Variants in GRTP1 observed in about 807,000 individuals in gnomAD.
GRTP1 encodes growth hormone regulated TBC protein 1.
Under a neutral mutation model 38.1 loss-of-function variants are expected in GRTP1, and 56 were observed. That is an observed-to-expected ratio of 1.47 (90% CI 1.19 to 1.84). The LOEUF is 1.84. Ranked by LOEUF, GRTP1 falls within the 40% of genes most tolerant of loss-of-function variation. The pLI, the probability that GRTP1 is intolerant of heterozygous loss-of-function variation, is 0.00. For missense variants in GRTP1, 506 were observed against 453.9 expected, an observed-to-expected ratio of 1.11 and a Z score of -1.04; for synonymous variants, 217 against 189.5, an observed-to-expected ratio of 1.14 and a Z score of -1.19.
intron 3 of GRTP1, among the ~76,000 whole-genome samples, chr13:113,353,947 C>T (rs1019990081): frequency 6.6e-6 from 1 of 152,016 alleles, no homozygotes. Flanking sequence ...GTGGTTCAGA[C>T]CACTTCCAGC....
intron 6 of GRTP1, 27 bp from the exon 7 acceptor site, chr13:113,325,873 A>G (rs1228453607): frequency 6.2e-7 from 1 of 1,613,384 alleles, no homozygotes. Flanking sequence ...ACCCGGTGTC[A>G]CTCCCTGGCG....
chr13:113,337,715 A>T (rs2042973199), intron 5 of GRTP1, among the ~76,000 whole-genome samples: 2 of 152,242 alleles, frequency 1.3e-5, no homozygotes, highest in Admixed American at 1.3e-4. Context: ...CCCAGAGACC[A>T]GCCTCCTGTG....
intron 5 of GRTP1, among the ~76,000 whole-genome samples, chr13:113,341,121 A>C (rs932860693): frequency 2.1e-5 from 3 of 146,204 alleles, no homozygotes; most frequent in Non-Finnish European, 4.5e-5. Flanking sequence ...ATCTTGGCTC[A>C]CTACAGCCTG....
Position 113,343,772 on chromosome 13 carries a change from C to T in GRTP1, c.562+1091G>A, listed in dbSNP as rs1453748413. On this transcript the variant is annotated intron_variant, in intron 5 of 7. Coordinates refer to ENST00000375431, the MANE Select transcript of GRTP1 (RefSeq NM_024719.4). This position sits in a 1 kb window ranked among gnomAD's most constrained non-coding sequence, Gnocchi z 4.8. ...GAGCCACACACCCCCAGGCTCCAAA[C>T]ACTGGGGACTGGCCCGGCTGCCCCT... 1.3e-5 allele frequency among the ~76,000 whole-genome samples: 2 copies of T among 152,226 alleles called. No individual in the cohort carries two copies. The highest frequency in any genetic ancestry group is 1.3e-4 in the Admixed American group (2 of 15,284).
chr13:113,334,280 A>ACTGCCTCCCGCCCCCCCCC (rs1202504022), intron 5 of GRTP1, among the ~76,000 whole-genome samples: 5 of 142,476 alleles, frequency 3.5e-5, no homozygotes, highest in East Asian at 2.1e-4. Context: ...CACTGCCACG[A>ACTGCCTCCCGCCCCCCCCC]CAGCCTCCCG....
intron 5 of GRTP1, among the ~76,000 whole-genome samples, chr13:113,327,317 T>C (rs2042789199): frequency 6.6e-6 from 1 of 152,190 alleles, no homozygotes; most frequent in Non-Finnish European, 1.5e-5. Flanking sequence ...TAGCTGGGAC[T>C]ACAGGTGCTC....
intron 5 of GRTP1, among the ~76,000 whole-genome samples, chr13:113,329,683 C>A (rs990323821): frequency 2.0e-5 from 3 of 152,240 alleles, no homozygotes; most frequent in Non-Finnish European, 4.4e-5. Flanking sequence ...GGACTACATA[C>A]AAAGCACTCC....
At chr13:113,358,183 A>C (rs544613101) in intron 2 of GRTP1, among the ~76,000 whole-genome samples, 1 of 152,248 alleles carries the variant, frequency 6.6e-6, no homozygotes, top group Non-Finnish European at 1.5e-5. Flanking sequence ...TTCCATCTCA[A>C]AAAATAAATA....
rs908225193 is a variant in GRTP1 at position 113,343,840 on chromosome 13, A to G, written c.562+1023T>C. Among the ~76,000 whole-genome samples, 6 of 151,990 alleles carry G rather than the reference A, an allele frequency of 3.9e-5. No homozygotes were observed. The highest frequency in any genetic ancestry group is 1.4e-4 in the African/African-American group (6 of 41,382). ...GCAGGATGAGCACGCAGCCCCCTTG[A>G]CCCAGCACCACAGCCAGGCTGGGGA... On this transcript the variant is annotated intron_variant, in intron 5 of 7. Coordinates refer to ENST00000375431, the MANE Select transcript of GRTP1 (RefSeq NM_024719.4). This position sits in a 1 kb window ranked among gnomAD's most constrained non-coding sequence, Gnocchi z 4.8.
At chr13:113,335,831 C>T (rs919375172) in intron 5 of GRTP1, among the ~76,000 whole-genome samples, 1 of 151,548 alleles carries the variant, frequency 6.6e-6, no homozygotes, top group South Asian at 2.1e-4. Context: ...TTGCTGTTGT[C>T]GCCCAGGCTG....
At chr13:113,330,798 C>T (rs75747072) in intron 5 of GRTP1, among the ~76,000 whole-genome samples, 138 of 162 alleles carry the variant, frequency 0.85, 66 homozygotes, top group South Asian at 1. Flanking sequence ...AGCCCAGGTG[C>T]GTGGATGGAA....
chr13:113,326,571 T>A (rs2042777364), intron 5 of GRTP1, among the ~76,000 whole-genome samples: 1 of 152,070 alleles, frequency 6.6e-6, no homozygotes, highest in African/African-American at 2.4e-5. Flanking sequence ...TTCAGGAGGC[T>A]GAGGCAGGAG....
At position 113,349,503 on chromosome 13, in the gene GRTP1, G is replaced by A. The variant is rs2043223147; in HGVS notation, c.465+1346C>T. On this transcript the variant is annotated intron_variant, in intron 4 of 7. Coordinates refer to ENST00000375431, the MANE Select transcript of GRTP1 (RefSeq NM_024719.4). The surrounding 1 kb of genome is among the most constrained non-coding windows in gnomAD (Gnocchi z 5.0). ...GCCCATTCTACCTCAACTCCAGAAG[G>A]CCACGTTCTTGCTCCTGGACAGTCA... Among the ~76,000 whole-genome samples, 1 of 152,206 alleles carries A rather than the reference G, an allele frequency of 6.6e-6. No individual in the cohort carries two copies. Among genetic ancestry groups the A allele is most frequent in the African/African-American group, 2.4e-5 (1 of 41,440 alleles).
In GRTP1 at chr13:113,348,707, G is replaced by A. The variant is rs1202712712; in HGVS notation, c.465+2142C>T. Among the ~76,000 whole-genome samples the A allele has an allele frequency of 6.6e-6, 1 of 152,180 alleles. No homozygotes were observed. Among genetic ancestry groups the A allele is most frequent in the Non-Finnish European group, 1.5e-5 (1 of 68,042 alleles). On this transcript the variant is annotated intron_variant, in intron 4 of 7. Coordinates refer to ENST00000375431, the MANE Select transcript of GRTP1 (RefSeq NM_024719.4). This position sits in a 1 kb window ranked among gnomAD's most constrained non-coding sequence, Gnocchi z 4.8. The stretch of plus-strand genomic sequence containing the variant: ...AGATGGAGGCAGAGATTGGAGTAGT[G>A]ATGCCACCCGCCGAGGGGCACCCAG...
At chr13:113,354,482 G>GA (rs1289971074) in intron 3 of GRTP1, among the ~76,000 whole-genome samples, 1 of 152,026 alleles carries the variant, frequency 6.6e-6, no homozygotes, top group Non-Finnish European at 1.5e-5. Context: ...GTTAAAATCA[G>GA]AAGGGCAGAT....
At chr13:113,355,107 C>T (rs1595510259) in intron 3 of GRTP1, 1 of 516,534 alleles carries the variant, frequency 1.9e-6, no homozygotes, top group East Asian at 3.1e-5. Flanking sequence ...TCTTATTAGC[C>T]AGCTAGGCAC....
chr13:113,347,246 G>A (rs796807951), intron 4 of GRTP1, among the ~76,000 whole-genome samples: 6 of 25,862 alleles, frequency 2.3e-4, no homozygotes, highest in Admixed American at 9.4e-4. Flanking sequence ...GAGCGGACCT[G>A]GGAGGACCTC....
intron 2 of GRTP1, among the ~76,000 whole-genome samples, chr13:113,358,894 G>A (rs933265356): frequency 6.6e-6 from 1 of 152,194 alleles, no homozygotes; most frequent in African/African-American, 2.4e-5. Flanking sequence ...CTTGTCACAC[G>A]ACCCAGCAAT....
intron 5 of GRTP1, among the ~76,000 whole-genome samples, chr13:113,338,125 C>T (rs1305048838): frequency 6.6e-6 from 1 of 152,216 alleles, no homozygotes; most frequent in African/African-American, 2.4e-5. Context: ...CGCGGCAGGG[C>T]CCGGTCAACC....
Sources: allele counts gnomAD v4.1 joint callset (sites outside exome capture counted in the v4.1 genomes callset), GRCh38; gene constraint gnomAD v4.1.1; non-coding constraint Gnocchi (gnomAD v3.1); transcripts MANE v1.5; gene names NCBI Gene and HGNC (gene_info 2026-07-23, HGNC 2026-07-21).